WAPL: variants seen among roughly 807,000 people sequenced by gnomAD.
The protein encoded by WAPL is wings apart-like protein homolog.
In WAPL, 5 loss-of-function variants were observed where a neutral mutation model predicts 121.0. That is an observed-to-expected ratio of 0.04 (90% CI 0.02 to 0.09). The LOEUF is 0.09. Ranked by LOEUF, WAPL falls within the 10% of genes least tolerant of loss-of-function variation. The pLI, the probability that WAPL is intolerant of heterozygous loss-of-function variation, is 1.00. For missense variants in WAPL, 999 were observed against 1,410.8 expected (o/e 0.71, Z 4.68); for synonymous variants, 480 against 481.5 (o/e 1.00, Z 0.04).
At chr10:86,470,622 T>C (rs1211466443) in intron 8 of WAPL, among the ~76,000 whole-genome samples, 3 of 152,198 alleles carry the variant, frequency 2.0e-5, no homozygotes, top group Non-Finnish European at 4.4e-5. Context: ...TAGGGCTGCA[T>C]TTCCAAACCA....
chr10:86,498,197 T>G (rs1199430255), intron 3 of WAPL, among the ~76,000 whole-genome samples: 1 of 152,228 alleles, frequency 6.6e-6, no homozygotes, highest in Non-Finnish European at 1.5e-5. Flanking sequence ...GATAACTTGC[T>G]ATCCAGGTTA....
intron 4 of WAPL, among the ~76,000 whole-genome samples, chr10:86,480,455 C>G (rs1238883327): frequency 1.3e-5 from 2 of 152,126 alleles, no homozygotes; most frequent in African/African-American, 4.8e-5. Context: ...TTTGTGAGAA[C>G]ATAACTTAGC....
chr10:86,449,307 T>G (rs1436205331), intron 15 of WAPL, among the ~76,000 whole-genome samples: 1 of 152,232 alleles, frequency 6.6e-6, no homozygotes, highest in African/African-American at 2.4e-5. Context: ...TAAGAGCCAT[T>G]TCTTGACACT....
At chr10:86,452,770 T>A (rs894435030) in intron 14 of WAPL, among the ~76,000 whole-genome samples, 3 of 151,210 alleles carry the variant, frequency 2.0e-5, no homozygotes, top group African/African-American at 7.3e-5. Flanking sequence ...CCAGACGCAA[T>A]AGCTCATACC....
At chr10:86,476,103 C>T (rs764140429) in intron 4 of WAPL, among the ~76,000 whole-genome samples, 19 of 152,238 alleles carry the variant, frequency 1.2e-4, no homozygotes, top group Non-Finnish European at 2.5e-4. Flanking sequence ...CGGTGGCTTA[C>T]GCCTGTAATC....
intron 1 of WAPL, among the ~76,000 whole-genome samples, chr10:86,520,920 G>A (rs1842662923): frequency 6.6e-6 from 1 of 152,158 alleles, no homozygotes; most frequent in Admixed American, 6.5e-5. Flanking sequence ...CTCACCTGGG[G>A]ACAGCCGGGG....
At chr10:86,515,313 C>A (rs1347961987) in intron 2 of WAPL, among the ~76,000 whole-genome samples, 2 of 150,928 alleles carry the variant, frequency 1.3e-5, no homozygotes, top group East Asian at 3.9e-4. Flanking sequence ...CAAACACAAG[C>A]AGAATAGCAT....
chr10:86,475,525 A>G (rs1170498991), intron 4 of WAPL, among the ~76,000 whole-genome samples: 2 of 152,216 alleles, frequency 1.3e-5, no homozygotes, highest in African/African-American at 2.4e-5. Context: ...ATTATCTCTA[A>G]TAAAGTGGAA....
chr10:86,476,140 C>T (rs565000475), intron 4 of WAPL, among the ~76,000 whole-genome samples: 3 of 151,810 alleles, frequency 2.0e-5, no homozygotes, highest in Admixed American at 6.6e-5. Context: ...CTGAGGCGGG[C>T]GGATCACGAG....
intron 9 of WAPL, among the ~76,000 whole-genome samples, chr10:86,462,285 A>AT (rs1423038438): frequency 2.6e-5 from 4 of 152,362 alleles, no homozygotes; most frequent in East Asian, 1.9e-4. Context: ...GAGAGTTTAC[A>AT]TTAAGTCCTT....
At chr10:86,448,524 G>C (rs1031101611) in intron 15 of WAPL, among the ~76,000 whole-genome samples, 1 of 152,212 alleles carries the variant, frequency 6.6e-6, no homozygotes, top group Non-Finnish European at 1.5e-5. Flanking sequence ...GTGTTGACAT[G>C]AAGAGCTCAG....
intron 2 of WAPL, among the ~76,000 whole-genome samples, chr10:86,516,211 T>C (rs1315301004): frequency 6.6e-6 from 1 of 152,052 alleles, no homozygotes; most frequent in African/African-American, 2.4e-5. Flanking sequence ...ACTTAACTTG[T>C]CAACAACGCC....
chr10:86,468,829 AG>A (rs1480415859), intron 8 of WAPL, among the ~76,000 whole-genome samples: 2 of 151,766 alleles, frequency 1.3e-5, no homozygotes, highest in African/African-American at 4.8e-5. Flanking sequence ...GGCCGGGCGC[AG>A]TGGCTCACGT....
intron 12 of WAPL, among the ~76,000 whole-genome samples, chr10:86,458,432 GT>G: frequency 6.6e-6 from 1 of 152,210 alleles, no homozygotes; most frequent in East Asian, 1.9e-4. Flanking sequence ...AGAAAAACAG[GT>G]CTAAATAAAG....
chr10:86,460,492 T>C lies in WAPL; in HGVS notation c.2487A>G (p.Lys829=). 1 of 1,611,600 alleles carries C rather than the reference T, an allele frequency of 6.2e-7. No individual in the cohort carries two copies. Among genetic ancestry groups the C allele is most frequent in the Non-Finnish European group, 8.5e-7 (1 of 1,178,990 alleles). The change falls in exon 11 of 19, where the codon AAA becomes AAG. Residue 829 remains lysine, a synonymous_variant. Coordinates refer to ENST00000298767, the MANE Select transcript of WAPL (RefSeq NM_015045.5). The part of the protein sequence containing the change: ...GGLDHIVDKV[K]ECVDHLSRDE... Reference sequence around the variant, plus strand: ...CTCTACTTAAATGATCCACACATTCTTTTACTAGGTGAAAAGAAACAAACG... The same window carrying C: ...CTCTACTTAAATGATCCACACATTCCTTTACTAGGTGAAAAGAAACAAACG...
intron 16 of WAPL, chr10:86,443,564 T>C: frequency 2.1e-6 from 1 of 484,884 alleles, no homozygotes. Context: ...CCATAAAACT[T>C]TTAGTTAAAA....
At chr10:86,515,132 T>C (rs1589543927) in intron 2 of WAPL, among the ~76,000 whole-genome samples, 1 of 151,692 alleles carries the variant, frequency 6.6e-6, no homozygotes, top group Non-Finnish European at 1.5e-5. Context: ...TGGTGGCAGG[T>C]GCCTAAAATC....
At position 86,485,127 on chromosome 10, in the gene WAPL, A is replaced by C. The variant is rs796444347; in HGVS notation, c.1645-11154T>G. ...CTTCCCATCTATAACTATCAAATAGATGTCAGTGCTTTCCAGCTCCTGATA... is the reference window on the plus strand; with the variant it reads ...CTTCCCATCTATAACTATCAAATAGCTGTCAGTGCTTTCCAGCTCCTGATA... On this transcript the variant is annotated intron_variant, in intron 4 of 18. Coordinates refer to ENST00000298767, the MANE Select transcript of WAPL (RefSeq NM_015045.5). 8.4e-5 allele frequency among the ~76,000 whole-genome samples: 12 copies of C among 143,492 alleles called. No homozygotes were observed. The South Asian group carries it at 2.6e-3, about 31-fold the overall frequency. 94.1% of individuals were successfully genotyped at this position (143,492 alleles called of 152,430 possible).
Position 86,466,902 on chromosome 10 carries a change from T to C in WAPL, c.2370+377A>G, listed in dbSNP as rs955585460. ...TTTCTGCAGAGCTGGGGTTTCACCATGTCACCCAAGACGGACCCAAACTCC... is the reference window on the plus strand; with the variant it reads ...TTTCTGCAGAGCTGGGGTTTCACCACGTCACCCAAGACGGACCCAAACTCC... On this transcript the variant is annotated intron_variant, in intron 9 of 18. Transcript: ENST00000298767. Among the ~76,000 whole-genome samples, 27 of 152,286 alleles carry C rather than the reference T, an allele frequency of 1.8e-4. No homozygotes were observed. In the East Asian group the frequency reaches 4.8e-3, roughly 27 times the overall value.
Sources: allele counts gnomAD v4.1 joint callset (sites outside exome capture counted in the v4.1 genomes callset), GRCh38; gene constraint gnomAD v4.1.1; transcripts MANE v1.5; gene names NCBI Gene and HGNC (gene_info 2026-07-23, HGNC 2026-07-21).